Variants in CDKAL1 observed in about 807,000 individuals in gnomAD.
The protein encoded by CDKAL1 is CDKAL1 threonylcarbamoyladenosine tRNA methylthiotransferase.
In CDKAL1, 32 loss-of-function variants were observed where a neutral mutation model predicts 68.2. The observed-to-expected ratio is 0.47, with a 90% CI of 0.35 to 0.63. The LOEUF (loss-of-function observed/expected upper bound fraction) is 0.63, where lower values mean the gene tolerates loss of function less well. Among genes scored for constraint, CDKAL1 ranks in the 30% least tolerant of loss-of-function variants. CDKAL1 has a pLI of 0.00. For synonymous variants in CDKAL1, 234 were observed against 244.3 expected (o/e 0.96, Z 0.39); for missense variants, 606 against 696.7 (o/e 0.87, Z 1.47).
In CDKAL1 at chr6:21,231,181, G is replaced by A. The variant is rs1410230319; in HGVS notation, c.*142G>A. ...CTCCTTCTCAGCCACTCTTCTTAAT[G>A]AGGCTCCCCCTGTCTCACATTGAGT... On this transcript the variant is annotated 3_prime_UTR_variant, in exon 16 of 16. Coordinates refer to ENST00000274695, the MANE Select transcript of CDKAL1 (RefSeq NM_017774.3). The A allele has an allele frequency of 1.7e-6, 1 of 576,084 alleles. No homozygotes were observed. The highest frequency in any genetic ancestry group is 1.9e-5 in the African/African-American group (1 of 53,796). 35.7% of individuals were successfully genotyped at this position (576,084 alleles called of 1,614,324 possible). A position where few individuals can be genotyped will look rare whatever the true frequency, so the allele number is the denominator to read the frequency against.
At chr6:21,175,280 G>T (rs1350841191) in intron 13 of CDKAL1, among the ~76,000 whole-genome samples, 1 of 152,172 alleles carries the variant, frequency 6.6e-6, no homozygotes, top group Non-Finnish European at 1.5e-5. Context: ...GGCAGCTTTG[G>T]CTTACAAATC....
chr6:20,918,682 G>C (rs1762823471), intron 9 of CDKAL1, among the ~76,000 whole-genome samples: 1 of 152,146 alleles, frequency 6.6e-6, no homozygotes. Flanking sequence ...TTTGATTTTA[G>C]GCTGGAGTTG....
chr6:20,667,569 G>T (rs530307429), intron 5 of CDKAL1, among the ~76,000 whole-genome samples: 1 of 152,116 alleles, frequency 6.6e-6, no homozygotes, highest in African/African-American at 2.4e-5. Context: ...TATTAATTCA[G>T]TTGTTCAAAG....
rs138346197 is a variant in CDKAL1, at chr6:20,631,427, A to T, written c.287-17866A>T. On this transcript the variant is annotated intron_variant, in intron 4 of 15. Coordinates refer to ENST00000274695, the MANE Select transcript of CDKAL1 (RefSeq NM_017774.3). The stretch of plus-strand genomic sequence containing the variant: ...TGACCTGCTCCTCCCTAGAGCTTCC[A>T]TTTATGTTACTGGTGTCACTCTTTG... 6.8e-3 allele frequency among the ~76,000 whole-genome samples: 1,038 copies of T among 152,224 alleles called. 34 individuals are homozygous for T. Among genetic ancestry groups the T allele is most frequent in the Admixed American group, 0.052 (795 of 15,288 alleles).
chr6:20,777,517 A>G (rs1403076317), intron 7 of CDKAL1, among the ~76,000 whole-genome samples: 1 of 152,158 alleles, frequency 6.6e-6, no homozygotes, highest in Non-Finnish European at 1.5e-5. Flanking sequence ...CAGGAGGCTG[A>G]GATGGAAGGA....
intron 4 of CDKAL1, among the ~76,000 whole-genome samples, chr6:20,641,168 CTG>C (rs1196966427): frequency 6.6e-6 from 1 of 152,110 alleles, no homozygotes; most frequent in African/African-American, 2.4e-5. Context: ...TATCAGGTCA[CTG>C]TTTTTCTGAT....
intron 13 of CDKAL1, among the ~76,000 whole-genome samples, chr6:21,158,601 C>T (rs1776754415): frequency 6.6e-6 from 1 of 152,200 alleles, no homozygotes; most frequent in Admixed American, 6.5e-5. Context: ...ACATGCACTT[C>T]ATTTTATGAA....
chr6:21,104,491 G>C (rs1041220567), intron 12 of CDKAL1, among the ~76,000 whole-genome samples: 5 of 151,030 alleles, frequency 3.3e-5, no homozygotes, highest in Non-Finnish European at 5.9e-5. Context: ...TTTAGGATTT[G>C]TGGCTGTATT....
intron 11 of CDKAL1, among the ~76,000 whole-genome samples, chr6:21,057,800 G>A (rs1349476347): frequency 2.0e-5 from 3 of 152,158 alleles, no homozygotes; most frequent in African/African-American, 7.2e-5. Context: ...AGGTTGTTCA[G>A]TTTCCATGTA....
chr6:20,816,484 A>C lies in CDKAL1; in HGVS notation c.639-29591A>C, dbSNP rs1039804100. On this transcript the variant is annotated intron_variant, in intron 8 of 15. Transcript: ENST00000274695. ...ACACAGATTTCCATCATGACCTGAC[A>C]GTGCTTCATCATAGAAAAGCAAATC... Among the ~76,000 whole-genome samples the C allele has an allele frequency of 2.6e-5, 4 of 152,188 alleles. No homozygotes were observed. The South Asian group carries it at 8.3e-4, about 32-fold the overall frequency.
chr6:20,850,560 C>A (rs1442753412), intron 9 of CDKAL1, among the ~76,000 whole-genome samples: 1 of 152,052 alleles, frequency 6.6e-6, no homozygotes, highest in Non-Finnish European at 1.5e-5. Flanking sequence ...ACCTCAGCCT[C>A]CTGAGTAGCT....
At chr6:21,166,117 C>A (rs1454761733) in intron 13 of CDKAL1, among the ~76,000 whole-genome samples, 1 of 152,134 alleles carries the variant, frequency 6.6e-6, no homozygotes, top group African/African-American at 2.4e-5. Context: ...AGAGCCAGTA[C>A]AGAATTAGCA....
intron 4 of CDKAL1, among the ~76,000 whole-genome samples, chr6:20,609,568 G>A (rs1766523154): frequency 6.6e-6 from 1 of 151,522 alleles, no homozygotes; most frequent in Admixed American, 6.6e-5. Flanking sequence ...GCTAATTTTT[G>A]TATTTTTAGT....
chr6:20,789,215 T>C (rs535010554), intron 8 of CDKAL1, among the ~76,000 whole-genome samples: 1 of 152,358 alleles, frequency 6.6e-6, no homozygotes, highest in South Asian at 2.1e-4. Context: ...GCAGCCTTTT[T>C]TATGTCTTCA....
chr6:20,542,641 C>T (rs1763432614), intron 2 of CDKAL1, among the ~76,000 whole-genome samples: 1 of 151,944 alleles, frequency 6.6e-6, no homozygotes, highest in African/African-American at 2.4e-5. Flanking sequence ...AGTTGTAAAA[C>T]TTATGCAGAG....
chr6:20,980,011 A>T (rs1766035321), intron 10 of CDKAL1, among the ~76,000 whole-genome samples: 1 of 151,884 alleles, frequency 6.6e-6, no homozygotes, highest in Admixed American at 6.6e-5. Flanking sequence ...ACCTCAGGTG[A>T]TCCACCCTCC....
chr6:21,064,930 G>T, intron 11 of CDKAL1, 118 bp from the exon 12 acceptor site: 1 of 607,600 alleles, frequency 1.6e-6, no homozygotes, highest in South Asian at 3.4e-5. Context: ...CTATTTGCAC[G>T]TGTGCTTTTT....
At chr6:21,146,086 A>G (rs1223544851) in intron 13 of CDKAL1, among the ~76,000 whole-genome samples, 1 of 152,156 alleles carries the variant, frequency 6.6e-6, no homozygotes, top group Non-Finnish European at 1.5e-5. Context: ...CTAATATCCA[A>G]TGTTACATCC....
chr6:21,207,361 A>G (rs1272970201), intron 15 of CDKAL1, among the ~76,000 whole-genome samples: 2 of 152,214 alleles, frequency 1.3e-5, no homozygotes, highest in East Asian at 1.9e-4. Context: ...CTTCATCTCT[A>G]TAACAATTTT....
Sources: gnomAD v4.1 joint callset for allele counts (sites outside exome capture counted in the v4.1 genomes callset) on GRCh38, gnomAD v4.1.1 for gene constraint, MANE v1.5 for transcripts, NCBI Gene and HGNC (gene_info 2026-07-23, HGNC 2026-07-21) for gene names.